Variants in LSAMP observed in about 807,000 individuals in gnomAD.
LSAMP encodes limbic system-associated membrane protein.
In LSAMP, 7 loss-of-function variants were observed where a neutral mutation model predicts 38.6. The observed-to-expected ratio is 0.18, with a 90% confidence interval of 0.10 to 0.34. The LOEUF is 0.34. LSAMP is among the 10% of genes least tolerant of loss of function. LSAMP has a pLI of 1.00. For missense variants in LSAMP, 313 were observed against 420.0 expected (o/e 0.75, Z 2.23); for synonymous variants, 154 against 166.8 (o/e 0.92, Z 0.59).
At chr3:115,884,725 C>A (rs1019806063) in intron 3 of LSAMP, among the ~76,000 whole-genome samples, 2 of 152,000 alleles carry the variant, frequency 1.3e-5, no homozygotes, top group African/African-American at 2.4e-5. Flanking sequence ...TAAGATTGAG[C>A]TTTGAAATAT....
At chr3:115,888,089 C>G (rs1392313951) in intron 3 of LSAMP, among the ~76,000 whole-genome samples, 1 of 151,744 alleles carries the variant, frequency 6.6e-6, no homozygotes, top group Non-Finnish European at 1.5e-5. Context: ...AATAGTTGTC[C>G]TTTTATATTC....
chr3:115,830,615 T>C (rs1273475070), intron 6 of LSAMP, among the ~76,000 whole-genome samples: 1 of 152,194 alleles, frequency 6.6e-6, no homozygotes, highest in Non-Finnish European at 1.5e-5. Flanking sequence ...ATGTTAGCTG[T>C]TGTTATTATT....
At chr3:116,071,441 C>A (rs1707604520) in intron 2 of LSAMP, among the ~76,000 whole-genome samples, 1 of 151,618 alleles carries the variant, frequency 6.6e-6, no homozygotes, top group Non-Finnish European at 1.5e-5. Context: ...GTAAAGCCAA[C>A]ACCCTTCTCC....
At chr3:116,018,628 T>G (rs2107685879) in intron 3 of LSAMP, among the ~76,000 whole-genome samples, 1 of 152,304 alleles carries the variant, frequency 6.6e-6, no homozygotes, top group South Asian at 2.1e-4. Context: ...CTACATTCTA[T>G]AAAGACTGTG....
chr3:115,966,690 G>A (rs972349827), intron 3 of LSAMP, among the ~76,000 whole-genome samples: 1 of 152,086 alleles, frequency 6.6e-6, no homozygotes, highest in African/African-American at 2.4e-5. Context: ...TATGGAGCTA[G>A]GAATAAACTC....
chr3:115,817,068 T>C (rs1017089405), intron 6 of LSAMP, among the ~76,000 whole-genome samples: 5 of 152,234 alleles, frequency 3.3e-5, no homozygotes, highest in African/African-American at 1.2e-4. Flanking sequence ...TTCCAACAGA[T>C]CAAGTCTATT....
chr3:116,418,672 C>A, intron 1 of LSAMP, among the ~76,000 whole-genome samples: 1 of 152,038 alleles, frequency 6.6e-6, no homozygotes, highest in East Asian at 1.9e-4. Flanking sequence ...TTTCCTTTGC[C>A]CAGTAAAATT....
At chr3:115,898,598 CAT>C (rs10527269) in intron 3 of LSAMP, among the ~76,000 whole-genome samples, 4,646 of 141,832 alleles carry the variant, frequency 0.033, 182 homozygotes, top group African/African-American at 0.096. Flanking sequence ...CATGAAGATG[CAT>C]ATATATATAT....
At position 115,891,759 on chromosome 3, in the gene LSAMP, G is replaced by A. The variant is rs189361755; in HGVS notation, c.515-39142C>T. On this transcript the variant is annotated intron_variant, in intron 3 of 6. Transcript: ENST00000490035. ...GCAAAAATATGATATTTTAATCACA[G>A]GATTAGAGTTGTTGCCTCCCACCAT... is the stretch of plus-strand genomic sequence containing the variant. Among the ~76,000 whole-genome samples, 424 of 152,016 alleles carry A rather than the reference G, an allele frequency of 2.8e-3. 3 individuals are homozygous for A. The highest frequency in any genetic ancestry group is 3.8e-3 in the Non-Finnish European group (259 of 67,926).
At chr3:116,382,756 T>A (rs1437693162) in intron 1 of LSAMP, among the ~76,000 whole-genome samples, 1 of 152,112 alleles carries the variant, frequency 6.6e-6, no homozygotes, top group Non-Finnish European at 1.5e-5. Context: ...TCTTTTAAAG[T>A]CCCCGAGTTT....
At chr3:116,002,345 A>G (rs1438695115) in intron 3 of LSAMP, among the ~76,000 whole-genome samples, 1 of 152,202 alleles carries the variant, frequency 6.6e-6, no homozygotes, top group East Asian at 1.9e-4. Context: ...AAAAAAGATG[A>G]AGAATATTTT....
At chr3:116,340,042 A>G (rs2047971995) in intron 1 of LSAMP, among the ~76,000 whole-genome samples, 1 of 152,074 alleles carries the variant, frequency 6.6e-6, no homozygotes, top group Non-Finnish European at 1.5e-5. Flanking sequence ...CAGCATGACT[A>G]GAAAGTTTGC....
At chr3:116,277,527 GC>G (rs1407105341) in intron 1 of LSAMP, among the ~76,000 whole-genome samples, 1 of 151,890 alleles carries the variant, frequency 6.6e-6, no homozygotes, top group Non-Finnish European at 1.5e-5. Flanking sequence ...CCACCACCAC[GC>G]CTGGCTAATT....
At chr3:115,860,064 T>C (rs763159122) in intron 3 of LSAMP, among the ~76,000 whole-genome samples, 3 of 152,274 alleles carry the variant, frequency 2.0e-5, no homozygotes, top group African/African-American at 7.2e-5. Flanking sequence ...TGATCATCAC[T>C]GTATCCCTTC....
At chr3:116,007,739 C>T in intron 3 of LSAMP, among the ~76,000 whole-genome samples, 1 of 152,122 alleles carries the variant, frequency 6.6e-6, no homozygotes, top group Non-Finnish European at 1.5e-5. Context: ...ATCTCAAATG[C>T]TCCTATATTT....
At chr3:116,162,998 A>G (rs1049116791) in intron 1 of LSAMP, among the ~76,000 whole-genome samples, 9 of 152,098 alleles carry the variant, frequency 5.9e-5, no homozygotes, top group African/African-American at 2.2e-4. Context: ...CTCACTAGGA[A>G]CACTAGAAAG....
At chr3:116,132,215 T>C (rs1415149043) in intron 1 of LSAMP, among the ~76,000 whole-genome samples, 3 of 143,496 alleles carry the variant, frequency 2.1e-5, no homozygotes, top group Non-Finnish European at 4.5e-5. Flanking sequence ...TGTAGCTCAA[T>C]AACATGTTAA....
At chr3:115,931,602 A>G (rs556759368) in intron 3 of LSAMP, among the ~76,000 whole-genome samples, 8 of 152,276 alleles carry the variant, frequency 5.3e-5, no homozygotes, top group Admixed American at 3.9e-4. Flanking sequence ...GTCATGACCT[A>G]TCTTTAAAAC....
intron 2 of LSAMP, among the ~76,000 whole-genome samples, chr3:116,074,353 G>A (rs998618841): frequency 6.6e-6 from 1 of 152,104 alleles, no homozygotes; most frequent in Non-Finnish European, 1.5e-5. Context: ...CATTATAATA[G>A]TATTTCTCAT....
Sources: gnomAD v4.1 joint callset for allele counts (sites outside exome capture counted in the v4.1 genomes callset) on GRCh38, gnomAD v4.1.1 for gene constraint, MANE v1.5 for transcripts, NCBI Gene and HGNC (gene_info 2026-07-23, HGNC 2026-07-21) for gene names.